The following COL12A1 variants were observed in gnomAD, a reference collection of about 807,000 sequenced individuals.
COL12A1 encodes collagen type XII alpha 1 chain.
Under a neutral mutation model 349.7 loss-of-function variants are expected in COL12A1, and 114 were observed. The ratio of observed to expected loss-of-function variants is 0.33; its 90% CI spans 0.28 to 0.38. COL12A1 has a LOEUF of 0.38. COL12A1 is among the 10% of genes least tolerant of loss of function. The pLI, the probability that COL12A1 is intolerant of heterozygous loss-of-function variation, is 1.00. For synonymous variants in COL12A1, 1,369 were observed against 1,329.0 expected, an observed-to-expected ratio of 1.03 and a Z score of -0.66; for missense variants, 3,284 against 3,756.9, an observed-to-expected ratio of 0.87 and a Z score of 3.29.
At chr6:75,169,157 G>A (rs116835689) in intron 13 of COL12A1, among the ~76,000 whole-genome samples, 1,954 of 152,244 alleles carry the variant, frequency 0.013, 35 homozygotes, top group African/African-American at 0.045. Context: ...AGTTCTAAGT[G>A]TTACCTAGCA....
At chr6:75,147,021 G>A (rs1767228332) in intron 23 of COL12A1, among the ~76,000 whole-genome samples, 1 of 152,140 alleles carries the variant, frequency 6.6e-6, no homozygotes, top group Non-Finnish European at 1.5e-5. Context: ...CAAGAAGTAG[G>A]AAAGAATAAT....
At chr6:75,192,404 A>G in intron 3 of COL12A1, 49 bp from the exon 4 acceptor site, 3 of 1,494,198 alleles carry the variant, frequency 2.0e-6, no homozygotes, top group South Asian at 1.2e-5. Context: ...CATTTTTCAC[A>G]TATAACACAA....
At position 75,130,938 on chromosome 6, in the gene COL12A1, A is replaced by G; in HGVS notation, c.5981T>C (p.Leu1994Pro). The G allele has an allele frequency of 6.2e-7, 1 of 1,614,176 alleles. No individual in the cohort carries two copies. The highest frequency in any genetic ancestry group is 1.1e-5 in the South Asian group (1 of 91,078). The change falls in exon 36 of 66, where the codon CTG becomes CCG. Residue 1994 changes from leucine to proline, a missense_variant. Around this residue, in one of 2 missense-constraint regions of COL12A1, gnomAD observed 2,601 missense variants for 2,824.8 expected, o/e 0.92. Coordinates refer to ENST00000322507, the MANE Select transcript of COL12A1 (RefSeq NM_004370.6). Reference protein sequence around the residue: ...GNTRMVHLERLIPDTLYSVNL... With the variant: ...GNTRMVHLERPIPDTLYSVNL... ...CACGGAATAGAGTGTGTCCGGAATCAGCCGCTCCAGATGCACCATGCGCGT... is the reference window on the plus strand; with the variant it reads ...CACGGAATAGAGTGTGTCCGGAATCGGCCGCTCCAGATGCACCATGCGCGT...
chr6:75,144,207 C>T (rs915780542), intron 25 of COL12A1, among the ~76,000 whole-genome samples: 1 of 152,134 alleles, frequency 6.6e-6, no homozygotes, highest in Non-Finnish European at 1.5e-5. Flanking sequence ...TGTTTTTAAT[C>T]TCACTGTGAC....
chr6:75,119,966 A>G (rs1490321709), intron 44 of COL12A1, among the ~76,000 whole-genome samples: 1 of 152,224 alleles, frequency 6.6e-6, no homozygotes, highest in African/African-American at 2.4e-5. Flanking sequence ...AAAAGTACAG[A>G]CTTTGTACTC....
intron 60 of COL12A1, among the ~76,000 whole-genome samples, chr6:75,094,068 C>T (rs1000620809): frequency 3.9e-5 from 6 of 152,088 alleles, no homozygotes; most frequent in Non-Finnish European, 8.8e-5. Context: ...TTGGTGCAAA[C>T]GTAATTATGG....
chr6:75,172,537 T>A (rs1768690924), intron 13 of COL12A1, among the ~76,000 whole-genome samples: 1 of 152,150 alleles, frequency 6.6e-6, no homozygotes. Flanking sequence ...GTTTGTCCTC[T>A]AAAAAAATCT....
intron 60 of COL12A1, among the ~76,000 whole-genome samples, chr6:75,093,748 G>A (rs570453102): frequency 6.6e-6 from 1 of 151,872 alleles, no homozygotes; most frequent in South Asian, 2.1e-4. Flanking sequence ...TTAATTTATT[G>A]GCACTCTGAG....
intron 21 of COL12A1, among the ~76,000 whole-genome samples, chr6:75,150,612 A>G (rs1243030278): frequency 6.6e-6 from 1 of 152,184 alleles, no homozygotes; most frequent in African/African-American, 2.4e-5. Flanking sequence ...TCCTGCTCAC[A>G]CTAGGAAATT....
rs1394176663 is a variant in COL12A1 at position 75,124,355 on chromosome 6, T to C, written c.6624A>G (p.Thr2208=). The change falls in exon 41 of 66, where the codon ACA becomes ACG. Residue 2208 remains threonine (T), a synonymous_variant. Transcript: ENST00000322507. ...DQGTTLYLNV[T]DLKTYQIGWD... Reference sequence around the variant, plus strand: ...ACCCAATCTGGTAAGTTTTCAGATCTGTTACATTTAAATATACTACAAAAT... The same window carrying C: ...ACCCAATCTGGTAAGTTTTCAGATCCGTTACATTTAAATATACTACAAAAT... 2.5e-6 allele frequency: 4 copies of C among 1,608,804 alleles called. No individual in the cohort carries two copies. Among genetic ancestry groups the C allele is most frequent in the African/African-American group, 2.7e-5 (2 of 74,756 alleles).
intron 2 of COL12A1, among the ~76,000 whole-genome samples, chr6:75,199,961 G>T (rs1354737416): frequency 6.6e-6 from 1 of 152,000 alleles, no homozygotes; most frequent in Non-Finnish European, 1.5e-5. Context: ...AAACATTAAG[G>T]TCATAGAAAA....
chr6:75,105,433 G>C, intron 53 of COL12A1, 141 bp from the exon 54 acceptor site: 3 of 643,150 alleles, frequency 4.7e-6, no homozygotes, highest in Non-Finnish European at 8.2e-6. Flanking sequence ...ATAGTCTTAT[G>C]TTGAAACTTG....
chr6:75,172,447 T>C (rs1371541237), intron 13 of COL12A1, among the ~76,000 whole-genome samples: 1 of 152,164 alleles, frequency 6.6e-6, no homozygotes, highest in African/African-American at 2.4e-5. Flanking sequence ...ACTATTAAAT[T>C]ATTTCCAAGA....
intron 13 of COL12A1, among the ~76,000 whole-genome samples, chr6:75,174,327 C>A (rs1318373380): frequency 6.6e-6 from 1 of 152,002 alleles, no homozygotes; most frequent in Non-Finnish European, 1.5e-5. Flanking sequence ...GTGGCCGAGG[C>A]GGGCGGATCA....
In COL12A1 at chr6:75,152,502, A is replaced by G. The variant is rs2149417953; in HGVS notation, c.3566-20T>C. ...CCATCCCTGACATGGCAATCATGAG[A>G]CAAGACAGTAAGAAGCAAATTGTTG... On this transcript the variant is annotated intron_variant, in intron 17 of 65. Coordinates refer to ENST00000322507, the MANE Select transcript of COL12A1 (RefSeq NM_004370.6). 1 of 1,612,710 alleles carries G rather than the reference A, an allele frequency of 6.2e-7. No homozygotes were observed. The highest frequency in any genetic ancestry group is 8.5e-7 in the Non-Finnish European group (1 of 1,179,404).
Position 75,124,194 on chromosome 6 carries a change from T to G in COL12A1, c.6724+61A>C, listed in dbSNP as rs1179494890. Reference sequence around the variant, plus strand: ...ATAAACAAAATGGCATCTTCTTTACTGAAATTTAAAATGTTTCCACTACAT... The same window carrying G: ...ATAAACAAAATGGCATCTTCTTTACGGAAATTTAAAATGTTTCCACTACAT... On this transcript the variant is annotated intron_variant, in intron 41 of 65. Transcript: ENST00000322507. 1.1e-5 allele frequency: 18 copies of G among 1,594,334 alleles called. No homozygotes were observed. The East Asian group carries it at 4.0e-4, about 36-fold the overall frequency.
intron 2 of COL12A1, among the ~76,000 whole-genome samples, chr6:75,201,933 G>T (rs1182713729): frequency 2.6e-5 from 4 of 152,218 alleles, no homozygotes; most frequent in Non-Finnish European, 4.4e-5. Flanking sequence ...GCACCCGGCT[G>T]TCCCTGAGGG....
In COL12A1 at chr6:75,189,627, T is replaced by A. The variant is rs1377178709; in HGVS notation, c.583A>T (p.Asn195Tyr). The change falls in exon 6 of 66, where the codon AAT becomes TAT. Residue 195 changes from asparagine to tyrosine, a missense_variant. By Grantham distance (143) the Asn-to-Tyr change is moderately radical. Around this residue, in one of 2 missense-constraint regions of COL12A1, gnomAD observed 2,601 missense variants for 2,824.8 expected, o/e 0.92. Transcript: ENST00000322507. ...SSDTRTEFNL[N>Y]QYYQRDELLA... ...AGTTCATCCCTTTGGTAGTACTGAT[T>A]TAAGTTAAATTCAGTCCTGGTATCA... is the stretch of plus-strand genomic sequence containing the variant. The A allele has an allele frequency of 1.2e-6, 2 of 1,613,310 alleles. No individual in the cohort carries two copies. Among genetic ancestry groups the A allele is most frequent in the African/African-American group, 2.7e-5 (2 of 74,882 alleles).
chr6:75,167,721 G>A (rs981685312), intron 13 of COL12A1, among the ~76,000 whole-genome samples: 3 of 151,972 alleles, frequency 2.0e-5, no homozygotes, highest in Non-Finnish European at 2.9e-5. Flanking sequence ...GATATTTCTG[G>A]GCTTAAAACA....
Sources: allele counts gnomAD v4.1 joint callset (sites outside exome capture counted in the v4.1 genomes callset), GRCh38; gene constraint gnomAD v4.1.1; regional missense constraint gnomAD v4.1.1; transcripts MANE v1.5; gene names NCBI Gene and HGNC (gene_info 2026-07-23, HGNC 2026-07-21).